Variants in MTMR11 observed in about 807,000 individuals in gnomAD.
MTMR11 encodes myotubularin related protein 11, also known as myotubularin-related protein 11.
MTMR11 carries 89 observed loss-of-function variants against 100.0 expected under a neutral mutation model. The ratio of observed to expected loss-of-function variants is 0.89; its 90% CI spans 0.75 to 1.06. The LOEUF (loss-of-function observed/expected upper bound fraction) is 1.06. Ranked by LOEUF, MTMR11 falls within the 50% of genes least tolerant of loss-of-function variation. The pLI is 0.00. For synonymous variants in MTMR11, 336 were observed against 326.3 expected, an observed-to-expected ratio of 1.03 and a Z score of -0.32; for missense variants, 809 against 873.7, an observed-to-expected ratio of 0.93 and a Z score of 0.93.
rs200596145 is a variant in MTMR11, at chr1:149,936,136, G to A, written c.142+18C>T. 28 of 1,606,562 alleles carry A rather than the reference G, an allele frequency of 1.7e-5. No homozygotes were observed. The African/African-American group carries it at 3.3e-4, about 19-fold the overall frequency. Reference sequence around the variant, plus strand: ...GATGAAATTTGGAAGTCTTTGGAGAGTGATAGGGCATTATTACCTGGGAGG... The same window carrying A: ...GATGAAATTTGGAAGTCTTTGGAGAATGATAGGGCATTATTACCTGGGAGG... On this transcript the variant is annotated intron_variant, in intron 2 of 16. Transcript: ENST00000439741.
In MTMR11 at chr1:149,931,395, G is replaced by A. The variant is rs1301134839; in HGVS notation, c.1155C>T (p.Leu385=). 1.9e-6 allele frequency: 3 copies of A among 1,611,662 alleles called. No individual in the cohort carries two copies. Among genetic ancestry groups the A allele is most frequent in the Admixed American group, 1.7e-5 (1 of 59,566 alleles). The change falls in exon 13 of 17, where the codon CTC becomes CTT. Residue 385 remains leucine, a synonymous_variant. Coordinates refer to ENST00000439741, the MANE Select transcript of MTMR11 (RefSeq NM_001145862.2). The part of the protein sequence containing the change: ...ERGDRDLNGL[L]SSLVQLLSAP... ...CTGAAAGCAGCTGGACGAGTGAAGAGAGGAGGCCATTGAGATCACGATCAC... is the reference window on the plus strand; with the variant it reads ...CTGAAAGCAGCTGGACGAGTGAAGAAAGGAGGCCATTGAGATCACGATCAC...
At chr1:149,929,426 C>T in intron 16 of MTMR11, 109 bp from the exon 17 acceptor site, 2 of 1,234,570 alleles carry the variant, frequency 1.6e-6, no homozygotes, top group Non-Finnish European at 2.3e-6. Context: ...CAGCTATGCC[C>T]TAAATTCCAC....
intron 1 of MTMR11, 41 bp from the exon 2 acceptor site, chr1:149,936,270 T>C (rs781913889): frequency 6.2e-7 from 1 of 1,612,124 alleles, no homozygotes; most frequent in Admixed American, 1.7e-5. Context: ...AGTTAACCCC[T>C]AGGCTCCCCA....
chr1:149,935,543 T>C, intron 3 of MTMR11, 41 bp downstream of exon 3: 1 of 1,608,594 alleles, frequency 6.2e-7, no homozygotes, highest in East Asian at 2.2e-5. Flanking sequence ...CCCCTACCCA[T>C]TTCCCACTAG....
At chr1:149,935,791 T>C in intron 2 of MTMR11, 86 bp from the exon 3 acceptor site, 4 of 1,427,740 alleles carry the variant, frequency 2.8e-6, no homozygotes, top group Non-Finnish European at 1.9e-6. Context: ...GAAAGGGAGA[T>C]CTAAATAGGG....
chr1:149,931,754 C>T (rs1443003600), intron 12 of MTMR11, among the ~76,000 whole-genome samples, 190 bp downstream of exon 12: 3 of 152,130 alleles, frequency 2.0e-5, no homozygotes, highest in Non-Finnish European at 4.4e-5. Flanking sequence ...CTAAGACCAT[C>T]CTAGTGTCAG....
chr1:149,935,647 A>T lies in MTMR11; in HGVS notation c.201T>A (p.Ser67=), dbSNP rs781892634. 4 of 1,614,008 alleles carry T rather than the reference A, an allele frequency of 2.5e-6. No homozygotes were observed. Among genetic ancestry groups the T allele is most frequent in the Non-Finnish European group, 2.5e-6 (3 of 1,180,014 alleles). ...GVRKGLEPEL[S]GTLICTNFRV... ...TAAAGTTGGTACAGATCAGGGTTCC[A>T]GACAATTCTGGTTCCAGGCCCTTCC... The change falls in exon 3 of 17, where the codon TCT becomes TCA. Residue 67 remains serine, a synonymous_variant. Coordinates refer to ENST00000439741, the MANE Select transcript of MTMR11 (RefSeq NM_001145862.2).
chr1:149,932,398 G>A lies in MTMR11; in HGVS notation c.986-68C>T. 3.1e-6 allele frequency: 4 copies of A among 1,292,360 alleles called. No individual in the cohort carries two copies. In the South Asian group the frequency reaches 4.8e-5, roughly 16 times the overall value. 80.1% of individuals were successfully genotyped at this position (1,292,360 alleles called of 1,614,324 possible). A position where few individuals can be genotyped will look rare whatever the true frequency, so the allele number is the denominator to read the frequency against. On this transcript the variant is annotated intron_variant, in intron 10 of 16. Transcript: ENST00000439741. ...TCAGGATTCAGGATTCAGGTTGATA[G>A]CCTGCTGGGTTAAGAACAGGAATGA...
chr1:149,936,255 T>G (rs782613997), intron 1 of MTMR11, 26 bp from the exon 2 acceptor site: 1 of 1,612,200 alleles, frequency 6.2e-7, no homozygotes, highest in East Asian at 2.2e-5. Flanking sequence ...TTGAGGGGGG[T>G]CTAGAGTTAA....
intron 10 of MTMR11, 145 bp from the exon 11 acceptor site, chr1:149,932,475 G>T (rs1418885846): frequency 3.0e-6 from 2 of 673,840 alleles, no homozygotes; most frequent in Non-Finnish European, 2.6e-6. Flanking sequence ...TGTGGTGATG[G>T]TTGTACAACA....
intron 10 of MTMR11, among the ~76,000 whole-genome samples, chr1:149,932,588 G>A (rs587648557): frequency 8.5e-5 from 13 of 152,208 alleles, no homozygotes; most frequent in South Asian, 4.1e-4. Context: ...AATAAATTGG[G>A]GTCAAGAAGA....
rs782773162 is a variant in MTMR11 at position 149,930,976 on chromosome 1, A to AT, written c.1291-12dup. The stretch of plus-strand genomic sequence containing the variant: ...GAGAAACACCGGAGCCTGAAAAGAA[A>AT]TTAAGAGGTTGGAAGGGATTATTGG... On this transcript the variant is annotated splice_polypyrimidine_tract_variant and intron_variant, in intron 13 of 16. Transcript: ENST00000439741. 403 of 1,592,900 alleles carry AT rather than the reference A, an allele frequency of 2.5e-4. 2 individuals are homozygous for AT. In the Admixed American group the frequency reaches 6.8e-3, roughly 27 times the overall value.
In MTMR11 at chr1:149,929,647, G is replaced by A. The variant is rs1227487221; in HGVS notation, c.1917C>T (p.Tyr639=). 1.2e-6 allele frequency: 2 copies of A among 1,613,028 alleles called. No individual in the cohort carries two copies. The highest frequency in any genetic ancestry group is 1.7e-6 in the Non-Finnish European group (2 of 1,179,834). ...GPQIRLWRRC[Y]LRGRPEVQMG... ...CCTGGACCTCAGGCCTTCCCCTCAGGTAGCAGCGTCTCCAGAGCCTGATCT... is the reference window on the plus strand; with the variant it reads ...CCTGGACCTCAGGCCTTCCCCTCAGATAGCAGCGTCTCCAGAGCCTGATCT... Residue 639 remains tyrosine, a synonymous_variant, in exon 16 of 17, where the codon TAC becomes TAT. Transcript: ENST00000439741.
chr1:149,931,474 C>T, intron 12 of MTMR11, 48 bp from the exon 13 acceptor site: 1 of 1,507,702 alleles, frequency 6.6e-7, no homozygotes. Context: ...GTCCAAGAAA[C>T]TAGGGCAGAA....
Position 149,934,631 on chromosome 1 carries a change from G to C in MTMR11, c.469-105C>G. ...CACTCTCTTTGCCAAGAATGAAGAA[G>C]AACAGTGAAGACAGTCCCTAGAGAA... On this transcript the variant is annotated intron_variant, in intron 5 of 16. Transcript: ENST00000439741. 3.3e-6 allele frequency: 4 copies of C among 1,222,836 alleles called. No individual in the cohort carries two copies. In the South Asian group the frequency reaches 5.5e-5, roughly 17 times the overall value. The allele number at this position is 1,222,836 out of a possible 1,614,324, so 75.7% of individuals were successfully genotyped here. A position where few individuals can be genotyped will look rare whatever the true frequency, so the allele number is the denominator to read the frequency against.
rs1443621574 is a variant in MTMR11, at chr1:149,930,710, T to C, written c.1464+82A>G. 2.8e-6 allele frequency: 4 copies of C among 1,446,940 alleles called. No individual in the cohort carries two copies. The African/African-American group carries it at 5.7e-5, about 21-fold the overall frequency. 89.6% of individuals were successfully genotyped at this position (1,446,940 alleles called of 1,614,324 possible). A position where few individuals can be genotyped will look rare whatever the true frequency, so the allele number is the denominator to read the frequency against. On this transcript the variant is annotated intron_variant, in intron 14 of 16. Transcript: ENST00000439741. ...CCTCCCCACTCACAGACCTCACTTC[T>C]CATAAAACAAATCAAGACCAAACTT...
intron 13 of MTMR11, 112 bp downstream of exon 13, chr1:149,931,148 A>G (rs1449888000): frequency 6.8e-6 from 10 of 1,473,994 alleles, no homozygotes; most frequent in Non-Finnish European, 8.3e-6. Context: ...GTCCCAGCCT[A>G]ACCTCGGGGC....
chr1:149,934,230 C>T lies in MTMR11; in HGVS notation c.644G>A (p.Arg215Lys), dbSNP rs781828695. ...GAACCTCTCGTTGACCGTGCTGACC[C>T]TCCAGCCTCTGGCTGCCTGCTTCTT... The part of the protein sequence containing the change: ...ERKKQAARGW[R>K]VSTVNERFDV... Residue 215 changes from arginine (R) to lysine (K), a missense_variant, in exon 7 of 17, where the codon AGG (arginine) becomes AAG (lysine). Arg to Lys is a conservative substitution (Grantham distance 26). Transcript: ENST00000439741. 9 of 1,614,070 alleles carry T rather than the reference C, an allele frequency of 5.6e-6. No individual in the cohort carries two copies. The Admixed American group carries it at 1.3e-4, about 24-fold the overall frequency.
Position 149,936,604 on chromosome 1 carries a change from T to TG in MTMR11, c.43dup (p.Gln15ProfsTer14). ...TACCCCCATCTCTGGCTCCTCCTTCTGGGGGGCAATGTTGAAACTCTGGCC... is the reference window on the plus strand; with the variant it reads ...TACCCCCATCTCTGGCTCCTCCTTCTGGGGGGGCAATGTTGAAACTCTGGCC... On this transcript the variant is annotated frameshift_variant, in exon 1 of 17. Transcript: ENST00000439741. LOFTEE classifies it high-confidence loss of function. The TG allele has an allele frequency of 1.3e-6, 2 of 1,541,414 alleles. No individual in the cohort carries two copies. The highest frequency in any genetic ancestry group is 1.8e-6 in the Non-Finnish European group (2 of 1,138,448).
Sources: gnomAD v4.1 joint callset for allele counts (sites outside exome capture counted in the v4.1 genomes callset) on GRCh38, gnomAD v4.1.1 for gene constraint, MANE v1.5 for transcripts, NCBI Gene and HGNC (gene_info 2026-07-23, HGNC 2026-07-21) for gene names.